Variants in RIC1 observed in about 807,000 individuals in gnomAD.
The protein encoded by RIC1 is RIC1 partner of RAB6A GEF complex, also known as guanine nucleotide exchange factor subunit RIC1.
Under a neutral mutation model 169.0 loss-of-function variants are expected in RIC1, and 88 were observed. That is an observed-to-expected ratio of 0.52 (90% confidence interval 0.44 to 0.62). The LOEUF (loss-of-function observed/expected upper bound fraction) is 0.62. Among genes scored for constraint, RIC1 ranks in the 20% least tolerant of loss-of-function variants. RIC1 has a pLI of 0.00. For missense variants in RIC1, 1,877 were observed against 1,725.5 expected, an observed-to-expected ratio of 1.09 and a Z score of -1.56; for synonymous variants, 790 against 601.5, an observed-to-expected ratio of 1.31 and a Z score of -4.59.
chr9:5,667,464 A>C (rs1035761045), intron 2 of RIC1, among the ~76,000 whole-genome samples: 5 of 147,002 alleles, frequency 3.4e-5, no homozygotes, highest in African/African-American at 7.5e-5. Flanking sequence ...TTTTATGTGC[A>C]CATTTAGGTT....
chr9:5,656,797 A>G (rs977178855), intron 2 of RIC1, 107 bp downstream of exon 2: 14 of 643,328 alleles, frequency 2.2e-5, no homozygotes, highest in Non-Finnish European at 3.6e-5. Context: ...ACTCATAAGT[A>G]TTTATTTTAT....
chr9:5,753,448 C>T (rs1352774099), intron 13 of RIC1, 88 bp from the exon 14 acceptor site: 1 of 860,542 alleles, frequency 1.2e-6, no homozygotes, highest in East Asian at 2.6e-5. Context: ...TATTAATTGT[C>T]TGTTTGCCTG....
chr9:5,740,460 G>C (rs1825011362), intron 8 of RIC1, among the ~76,000 whole-genome samples: 2 of 151,770 alleles, frequency 1.3e-5, no homozygotes, highest in South Asian at 4.2e-4. Flanking sequence ...TAATAGAATA[G>C]ATACATACAT....
chr9:5,720,420 A>T, intron 5 of RIC1, 96 bp downstream of exon 5: 1 of 1,314,814 alleles, frequency 7.6e-7, no homozygotes, highest in South Asian at 1.4e-5. Flanking sequence ...GGAATTACTT[A>T]TGCAAGGGGA....
intron 12 of RIC1, among the ~76,000 whole-genome samples, chr9:5,752,087 C>T (rs1194285084): frequency 6.6e-6 from 1 of 152,174 alleles, no homozygotes. Flanking sequence ...AGAGATCAAT[C>T]TCATTAAAAC....
chr9:5,757,643 A>G (rs558051685), intron 17 of RIC1, among the ~76,000 whole-genome samples, 192 bp downstream of exon 17: 11 of 152,274 alleles, frequency 7.2e-5, no homozygotes, highest in Non-Finnish European at 1.6e-4. Context: ...AATTACATAC[A>G]TAATGAATTG....
chr9:5,657,207 C>T (rs963532170), intron 2 of RIC1, among the ~76,000 whole-genome samples: 2 of 151,998 alleles, frequency 1.3e-5, no homozygotes, highest in African/African-American at 2.4e-5. Context: ...AAATAATAAG[C>T]TTTATGTGCA....
intron 2 of RIC1, among the ~76,000 whole-genome samples, chr9:5,683,853 C>G (rs560052215): frequency 6.6e-6 from 1 of 152,308 alleles, no homozygotes; most frequent in East Asian, 1.9e-4. Context: ...GGCGGGCGCC[C>G]CTCCCCCAGC....
intron 6 of RIC1, among the ~76,000 whole-genome samples, chr9:5,728,028 A>G (rs1270639493): frequency 6.6e-6 from 1 of 152,046 alleles, no homozygotes; most frequent in Non-Finnish European, 1.5e-5. Context: ...CTGTTCTCAG[A>G]CCTCAGACTC....
At chr9:5,668,945 C>G (rs943197386) in intron 2 of RIC1, among the ~76,000 whole-genome samples, 45 of 152,102 alleles carry the variant, frequency 3.0e-4, no homozygotes, top group African/African-American at 1.1e-3. Context: ...CCATACTTTT[C>G]TGTTTCTTTT....
In RIC1 at chr9:5,775,679, T is replaced by G. The variant is rs532931227; in HGVS notation, c.*1433T>G. The G allele has an allele frequency of 1.9e-4, 29 of 152,202 alleles. No homozygotes were observed. The highest frequency in any genetic ancestry group is 3.5e-4 in the Non-Finnish European group (24 of 68,020). The allele number at this position is 152,202 out of a possible 1,614,324, so 9.4% of individuals were successfully genotyped here. ...ATTTAGTTGTCTTAGCCAGGTTTCC[T>G]TTGAAGAGAAACTCAAAACCATTTT... is the stretch of plus-strand genomic sequence containing the variant. On this transcript the variant is annotated 3_prime_UTR_variant, in exon 26 of 26. Transcript: ENST00000414202.
intron 4 of RIC1, among the ~76,000 whole-genome samples, chr9:5,714,337 C>A (rs938291324): frequency 6.6e-6 from 1 of 152,142 alleles, no homozygotes; most frequent in South Asian, 2.1e-4. Context: ...AGAGAAAGTG[C>A]CTTTGTTTCC....
At chr9:5,709,985 C>G (rs995954275) in intron 3 of RIC1, among the ~76,000 whole-genome samples, 2 of 152,148 alleles carry the variant, frequency 1.3e-5, no homozygotes, top group African/African-American at 4.8e-5. Context: ...AATTCTTTCT[C>G]TTGATAATCA....
intron 6 of RIC1, among the ~76,000 whole-genome samples, chr9:5,721,584 T>A (rs1346809853): frequency 6.6e-6 from 1 of 152,218 alleles, no homozygotes; most frequent in Non-Finnish European, 1.5e-5. Flanking sequence ...GGCAGTTATT[T>A]ATCCCTCTGG....
At chr9:5,770,047 A>G (rs734549) in intron 22 of RIC1, 40 bp from the exon 23 acceptor site, 541,508 of 1,537,008 alleles carry the variant, frequency 0.35, 99,425 homozygotes, top group East Asian at 0.61. Flanking sequence ...TGCATCTTCA[A>G]TTTCTTCCTC....
chr9:5,644,193 T>C (rs1338969961), intron 1 of RIC1, among the ~76,000 whole-genome samples: 1 of 152,200 alleles, frequency 6.6e-6, no homozygotes, highest in Non-Finnish European at 1.5e-5. Flanking sequence ...ATATCAGCCT[T>C]AAAAAGTACT....
intron 6 of RIC1, among the ~76,000 whole-genome samples, chr9:5,724,748 T>C (rs1823850357): frequency 6.6e-6 from 1 of 152,200 alleles, no homozygotes. Flanking sequence ...CCTAGTTTAT[T>C]GAGACTTTTT....
intron 2 of RIC1, among the ~76,000 whole-genome samples, chr9:5,662,829 A>G (rs184850083): frequency 3.3e-5 from 5 of 151,654 alleles, no homozygotes; most frequent in African/African-American, 7.3e-5. Flanking sequence ...TCATGTCTCT[A>G]TCTCCTTCAG....
Position 5,772,989 on chromosome 9 carries a change from G to T in RIC1, c.3892G>T (p.Val1298Phe), listed in dbSNP as rs753610098. The change falls in exon 25 of 26, where the codon GTT becomes TTT. Residue 1298 changes from valine (V) to phenylalanine (F), a missense_variant. Physicochemically the swap from Val to Phe is conservative, Grantham distance 50 (BLOSUM62 -1). Coordinates refer to ENST00000414202, the MANE Select transcript of RIC1 (RefSeq NM_020829.4). ...RESSIINQIL[V>F]ITQSSEVDGE... ...ATCCTCAATAATCAATCAGATTTTG[G>T]TTATTACACAGTCTTCAGAGGTAGA... is the stretch of plus-strand genomic sequence containing the variant. The T allele has an allele frequency of 6.2e-7, 1 of 1,613,368 alleles. No individual in the cohort carries two copies. The highest frequency in any genetic ancestry group is 1.7e-5 in the Admixed American group (1 of 59,980).
Sources: allele counts gnomAD v4.1 joint callset (sites outside exome capture counted in the v4.1 genomes callset), GRCh38; gene constraint gnomAD v4.1.1; transcripts MANE v1.5; gene names NCBI Gene and HGNC (gene_info 2026-07-23, HGNC 2026-07-21).